Variants in SOX5 observed in about 807,000 individuals in gnomAD.
The protein encoded by SOX5 is transcription factor SOX-5.
A neutral mutation model predicts 92.0 loss-of-function variants in SOX5; 9 were observed. That is an observed-to-expected ratio of 0.10 (90% CI 0.06 to 0.17). SOX5 has a LOEUF of 0.17. Ranked by LOEUF, SOX5 falls within the 10% of genes least tolerant of loss-of-function variation. The pLI is 1.00. For missense variants in SOX5, 642 were observed against 944.5 expected (o/e 0.68, Z 4.20); for synonymous variants, 344 against 336.3 (o/e 1.02, Z -0.25).
chr12:23,863,387 A>G (rs973533443), intron 2 of SOX5, among the ~76,000 whole-genome samples: 1 of 152,188 alleles, frequency 6.6e-6, no homozygotes, highest in Non-Finnish European at 1.5e-5. Flanking sequence ...TAACAGACCT[A>G]TGAGGTAGGA....
chr12:23,578,109 G>T (rs1398247513), intron 9 of SOX5, among the ~76,000 whole-genome samples: 1 of 36,486 alleles, frequency 2.7e-5, no homozygotes, highest in Admixed American at 5.6e-4. Context: ...AACAGAGTGA[G>T]ACTGTGTCAA....
intron 4 of SOX5, among the ~76,000 whole-genome samples, chr12:23,745,080 A>G (rs1470571066): frequency 6.6e-6 from 1 of 152,138 alleles, no homozygotes; most frequent in Non-Finnish European, 1.5e-5. Flanking sequence ...AAATACGTTC[A>G]TATTCTGAGG....
At chr12:24,246,976 T>C (rs998476625) in intron 3 of SOX5, among the ~76,000 whole-genome samples, 1 of 152,146 alleles carries the variant, frequency 6.6e-6, no homozygotes, top group African/African-American at 2.4e-5. Context: ...AGGAAAAAGA[T>C]GACGGCATGT....
intron 2 of SOX5, among the ~76,000 whole-genome samples, chr12:24,357,100 A>C (rs1954929023): frequency 6.6e-6 from 1 of 152,178 alleles, no homozygotes; most frequent in African/African-American, 2.4e-5. Flanking sequence ...TACAAATAAT[A>C]ATTTCTTCCA....
intron 4 of SOX5, among the ~76,000 whole-genome samples, chr12:24,062,245 T>C (rs959808704): frequency 1.3e-5 from 2 of 152,234 alleles, no homozygotes; most frequent in African/African-American, 4.8e-5. Context: ...TTTGCCAGGC[T>C]GCTCCATTGC....
chr12:24,481,440 C>A (rs1945986582), intron 1 of SOX5, among the ~76,000 whole-genome samples: 2 of 152,074 alleles, frequency 1.3e-5, no homozygotes, highest in African/African-American at 4.8e-5. Flanking sequence ...GTTTGTAACA[C>A]AGAGGATAAG....
At chr12:23,761,323 T>G (rs1362226599) in intron 3 of SOX5, among the ~76,000 whole-genome samples, 2 of 152,136 alleles carry the variant, frequency 1.3e-5, no homozygotes, top group Admixed American at 6.6e-5. Context: ...ACGCATTCGA[T>G]TGTCATGCAA....
intron 3 of SOX5, among the ~76,000 whole-genome samples, chr12:24,260,121 G>A (rs1431776785): frequency 6.6e-6 from 1 of 152,166 alleles, no homozygotes; most frequent in East Asian, 1.9e-4. Context: ...GAGTGGGTGG[G>A]GATGGTATGA....
chr12:24,316,130 C>T (rs1262252902), intron 2 of SOX5, among the ~76,000 whole-genome samples: 1 of 152,166 alleles, frequency 6.6e-6, no homozygotes, highest in Non-Finnish European at 1.5e-5. Flanking sequence ...ATAAAAATCA[C>T]TGGAGTCTTA....
intron 1 of SOX5, among the ~76,000 whole-genome samples, chr12:24,428,028 T>TA (rs1966868857): frequency 6.6e-6 from 1 of 151,978 alleles, no homozygotes; most frequent in African/African-American, 2.4e-5. Flanking sequence ...ACCTCCCAAA[T>TA]ACTATACTGC....
At chr12:24,322,934 C>A (rs928675430) in intron 2 of SOX5, among the ~76,000 whole-genome samples, 1 of 152,010 alleles carries the variant, frequency 6.6e-6, no homozygotes, top group Non-Finnish European at 1.5e-5. Context: ...GCCTTTTTCC[C>A]AATTCAAACA....
chr12:23,927,184 T>C (rs1452721226), intron 1 of SOX5, among the ~76,000 whole-genome samples: 4 of 152,118 alleles, frequency 2.6e-5, no homozygotes, highest in African/African-American at 7.2e-5. Context: ...CTTTAACCAT[T>C]ATAGCAGTTA....
intron 6 of SOX5, among the ~76,000 whole-genome samples, chr12:23,727,514 A>G (rs912159429): frequency 6.6e-6 from 1 of 152,140 alleles, no homozygotes; most frequent in Non-Finnish European, 1.5e-5. Context: ...AGAAGAGGAG[A>G]TACACCATCC....
intron 4 of SOX5, among the ~76,000 whole-genome samples, chr12:23,988,160 T>C (rs918505988): frequency 6.6e-6 from 1 of 152,168 alleles, no homozygotes; most frequent in Non-Finnish European, 1.5e-5. Flanking sequence ...GATCATGCTA[T>C]TTACAGTAAT....
At chr12:24,361,814 T>C (rs1955601928) in intron 2 of SOX5, among the ~76,000 whole-genome samples, 1 of 152,246 alleles carries the variant, frequency 6.6e-6, no homozygotes, top group Non-Finnish European at 1.5e-5. Context: ...TAGTCTAGCC[T>C]GTCTGGTACA....
At chr12:24,041,244 G>C (rs867541851) in intron 4 of SOX5, among the ~76,000 whole-genome samples, 4 of 152,054 alleles carry the variant, frequency 2.6e-5, no homozygotes, top group African/African-American at 7.2e-5. Context: ...ATATCATAAG[G>C]CTCACTGAAT....
intron 4 of SOX5, among the ~76,000 whole-genome samples, chr12:24,211,751 G>A (rs968478551): frequency 6.6e-6 from 1 of 152,158 alleles, no homozygotes; most frequent in African/African-American, 2.4e-5. Flanking sequence ...GAGTTATTTA[G>A]ACTTGTGAAA....
chr12:23,790,011 G>C (rs1205415192), intron 3 of SOX5, among the ~76,000 whole-genome samples: 1 of 152,088 alleles, frequency 6.6e-6, no homozygotes, highest in Non-Finnish European at 1.5e-5. Flanking sequence ...GCACTATTAA[G>C]AGAACTATGT....
chr12:23,598,467 C>T (rs1952853357), intron 9 of SOX5, among the ~76,000 whole-genome samples: 1 of 136,918 alleles, frequency 7.3e-6, no homozygotes, highest in Admixed American at 8.4e-5. Flanking sequence ...GGCGCGATCT[C>T]GGCTCACTGC....
Sources: allele counts gnomAD v4.1 joint callset (sites outside exome capture counted in the v4.1 genomes callset), GRCh38; gene constraint gnomAD v4.1.1; transcripts MANE v1.5; gene names NCBI Gene and HGNC (gene_info 2026-07-23, HGNC 2026-07-21).